The following GRIA4 variants were observed in gnomAD, a reference collection of about 807,000 sequenced individuals.
The protein encoded by GRIA4 is glutamate receptor 4.
In GRIA4, 34 loss-of-function variants were observed where a neutral mutation model predicts 104.0. The observed-to-expected ratio is 0.33, with a 90% CI of 0.25 to 0.44. The LOEUF (loss-of-function observed/expected upper bound fraction) is 0.44, where lower values mean the gene tolerates loss of function less well. GRIA4 is among the 20% of genes least tolerant of loss of function. The pLI, the probability that GRIA4 is intolerant of heterozygous loss-of-function variation, is 1.00. For synonymous variants in GRIA4, 386 were observed against 381.9 expected, an observed-to-expected ratio of 1.01 and a Z score of -0.13; for missense variants, 750 against 1,096.5, an observed-to-expected ratio of 0.68 and a Z score of 4.46.
chr11:105,889,671 A>G (rs1946393083), intron 6 of GRIA4, among the ~76,000 whole-genome samples: 1 of 152,108 alleles, frequency 6.6e-6, no homozygotes, highest in Admixed American at 6.6e-5. Flanking sequence ...CTCTCTCACC[A>G]CTTCTATTGA....
chr11:105,614,640 G>A (rs986541782), intron 3 of GRIA4, among the ~76,000 whole-genome samples: 15 of 152,002 alleles, frequency 9.9e-5, no homozygotes, highest in Non-Finnish European at 1.8e-4. Context: ...TTGATTTTGC[G>A]TATGTTTAAA....
intron 5 of GRIA4, among the ~76,000 whole-genome samples, chr11:105,884,857 C>CAAGTA (rs1946197185): frequency 6.6e-6 from 1 of 152,184 alleles, no homozygotes; most frequent in Non-Finnish European, 1.5e-5. Flanking sequence ...GATTCCACAT[C>CAAGTA]TTTTTAACAT....
intron 4 of GRIA4, among the ~76,000 whole-genome samples, chr11:105,840,004 C>T (rs1246170799): frequency 2.0e-5 from 3 of 152,088 alleles, no homozygotes; most frequent in African/African-American, 4.8e-5. Flanking sequence ...GCTGAACTGG[C>T]TAAGTCTGCA....
At chr11:105,692,350 GC>G (rs1280421434) in intron 3 of GRIA4, among the ~76,000 whole-genome samples, 1 of 151,948 alleles carries the variant, frequency 6.6e-6, no homozygotes, top group African/African-American at 2.4e-5. Context: ...TTCCAGTGGG[GC>G]CTCTACTCTC....
chr11:105,812,714 C>G (rs547241953), intron 4 of GRIA4, among the ~76,000 whole-genome samples: 80 of 152,158 alleles, frequency 5.3e-4, no homozygotes, highest in African/African-American at 1.8e-3. Flanking sequence ...CTGAATCATA[C>G]CCTACTCGCT....
Position 105,964,932 on chromosome 11 carries a change from G to A in GRIA4, c.2295-6982G>A, listed in dbSNP as rs2845630. On this transcript the variant is annotated intron_variant, in intron 14 of 16. Transcript: ENST00000282499. ...AGCGATTCTCCTGCTTCAGCCTCCT[G>A]AGTAGCTGGGATTACAGGTGCCCAC... Among the ~76,000 whole-genome samples the A allele has an allele frequency of 1.0e-2, 1,519 of 152,020 alleles. 10 individuals carry two copies. Among genetic ancestry groups the A allele is most frequent in the Middle Eastern group, 0.017 (5 of 290 alleles).
At chr11:105,733,264 G>A (rs1203207255) in intron 3 of GRIA4, among the ~76,000 whole-genome samples, 2 of 152,114 alleles carry the variant, frequency 1.3e-5, no homozygotes, top group Admixed American at 6.6e-5. Context: ...AGAAGATACG[G>A]TGTCAGTATA....
At chr11:105,964,324 T>C (rs1226399854) in intron 14 of GRIA4, among the ~76,000 whole-genome samples, 1 of 152,190 alleles carries the variant, frequency 6.6e-6, no homozygotes, top group East Asian at 1.9e-4. Flanking sequence ...CTAAAAACTC[T>C]TAAGTGTGTG....
rs570064290 is a variant in GRIA4 at position 105,968,603 on chromosome 11, G to A, written c.2295-3311G>A. 3.9e-5 allele frequency among the ~76,000 whole-genome samples: 6 copies of A among 152,262 alleles called. 1 individual carries two copies. In the South Asian group the frequency reaches 1.0e-3, roughly 26 times the overall value. ...AAGAACAGGGTCCTGCATCTTACAC[G>A]AAATAAATTAAAGCAGAAATGCATG... On this transcript the variant is annotated intron_variant, in intron 14 of 16. Transcript: ENST00000282499.
intron 10 of GRIA4, among the ~76,000 whole-genome samples, chr11:105,916,789 T>C (rs542232452): frequency 6.0e-4 from 91 of 152,292 alleles, no homozygotes; most frequent in Non-Finnish European, 9.0e-4. Context: ...GACCTTCAAC[T>C]GTAGTACCAA....
At chr11:105,692,856 C>T (rs1032254897) in intron 3 of GRIA4, among the ~76,000 whole-genome samples, 5 of 152,080 alleles carry the variant, frequency 3.3e-5, no homozygotes, top group Non-Finnish European at 7.4e-5. Context: ...AGTTAAATAA[C>T]ACCATTTTGG....
intron 7 of GRIA4, among the ~76,000 whole-genome samples, chr11:105,899,528 C>T (rs151312719): frequency 5.8e-4 from 88 of 152,314 alleles, no homozygotes; most frequent in African/African-American, 1.7e-3. Flanking sequence ...ATATAATCCT[C>T]TCATCCTTCA....
At chr11:105,794,211 C>T (rs1942349052) in intron 4 of GRIA4, among the ~76,000 whole-genome samples, 1 of 151,420 alleles carries the variant, frequency 6.6e-6, no homozygotes, top group Non-Finnish European at 1.5e-5. Context: ...CTATCTTATT[C>T]GGTGTTTGTG....
At position 105,862,060 on chromosome 11, in the gene GRIA4, G is replaced by A; in HGVS notation, c.524G>A (p.Gly175Glu). The A allele has an allele frequency of 3.1e-6, 5 of 1,612,800 alleles. No individual in the cohort carries two copies. The highest frequency in any genetic ancestry group is 4.2e-6 in the Non-Finnish European group (5 of 1,179,030). ...SILQAIMEKA[G>E]QNGWHVSAIC... Reference sequence around the variant, plus strand: ...CTCCAAGCTATTATGGAAAAAGCAGGACAAAATGGTTGGCATGTCAGCGCT... The same window carrying A: ...CTCCAAGCTATTATGGAAAAAGCAGAACAAAATGGTTGGCATGTCAGCGCT... Residue 175 changes from glycine to glutamate, a missense_variant, in exon 5 of 17, where the codon GGA (glycine) becomes GAA (glutamate). Around this residue, in one of 3 missense-constraint regions of GRIA4, gnomAD observed 410 missense variants for 502.7 expected, o/e 0.82. Transcript: ENST00000282499.
chr11:105,620,288 A>G (rs1950708112), intron 3 of GRIA4, among the ~76,000 whole-genome samples: 1 of 150,812 alleles, frequency 6.6e-6, no homozygotes, highest in South Asian at 2.1e-4. Context: ...ACTGTGTGCC[A>G]GATTTTGTGA....
chr11:105,782,333 A>C (rs571094277), intron 4 of GRIA4, among the ~76,000 whole-genome samples: 1 of 152,338 alleles, frequency 6.6e-6, no homozygotes, highest in South Asian at 2.1e-4. Context: ...ATGAAATTCA[A>C]TTTTCAAAAG....
intron 4 of GRIA4, among the ~76,000 whole-genome samples, chr11:105,818,873 T>G (rs377608488): frequency 1.7e-4 from 26 of 152,190 alleles, no homozygotes; most frequent in African/African-American, 5.5e-4. Flanking sequence ...TTAGAAGTCA[T>G]ATGTTTTGAA....
intron 3 of GRIA4, among the ~76,000 whole-genome samples, chr11:105,703,675 T>C (rs1022684627): frequency 3.9e-5 from 6 of 152,180 alleles, no homozygotes; most frequent in Admixed American, 6.6e-5. Flanking sequence ...TAAGTTTTGT[T>C]AAAAATGACT....
chr11:105,674,119 A>G (rs1345937401), intron 3 of GRIA4, among the ~76,000 whole-genome samples: 3 of 152,078 alleles, frequency 2.0e-5, no homozygotes, highest in African/African-American at 7.2e-5. Context: ...ATATATGTGG[A>G]ACTGGATAGT....
Sources: gnomAD v4.1 joint callset for allele counts (sites outside exome capture counted in the v4.1 genomes callset) on GRCh38, gnomAD v4.1.1 for gene constraint, gnomAD v4.1.1 regional missense constraint, MANE v1.5 for transcripts, NCBI Gene and HGNC (gene_info 2026-07-23, HGNC 2026-07-21) for gene names.